CDK14: variants seen among roughly 807,000 people sequenced by gnomAD.
CDK14 encodes cyclin-dependent kinase 14.
In CDK14, 34 loss-of-function variants were observed where a neutral mutation model predicts 60.7. That is an observed-to-expected ratio of 0.56 (90% confidence interval 0.43 to 0.75). The LOEUF (loss-of-function observed/expected upper bound fraction) is 0.75, where lower values mean the gene tolerates loss of function less well. Ranked by LOEUF, CDK14 falls within the 30% of genes least tolerant of loss-of-function variation. The pLI is 0.00. For synonymous variants in CDK14, 197 were observed against 203.7 expected, an observed-to-expected ratio of 0.97 and a Z score of 0.28; for missense variants, 482 against 564.1, an observed-to-expected ratio of 0.85 and a Z score of 1.47.
At chr7:91,003,859 A>G (rs1486984322) in intron 10 of CDK14, among the ~76,000 whole-genome samples, 1 of 152,224 alleles carries the variant, frequency 6.6e-6, no homozygotes, top group African/African-American at 2.4e-5. Flanking sequence ...GCAGGCAGTA[A>G]GTAAACTCCA....
chr7:90,825,359 T>A (rs1789686495), intron 5 of CDK14, among the ~76,000 whole-genome samples: 1 of 152,190 alleles, frequency 6.6e-6, no homozygotes. Context: ...AAGGGCCCTG[T>A]AGGACCCTCC....
intron 2 of CDK14, among the ~76,000 whole-genome samples, chr7:90,718,659 T>A (rs548689349): frequency 6.6e-6 from 1 of 152,298 alleles, no homozygotes; most frequent in Non-Finnish European, 1.5e-5. Flanking sequence ...CTTGCATATA[T>A]CCTTCTATAT....
At chr7:90,683,762 T>C (rs963811187) in intron 2 of CDK14, among the ~76,000 whole-genome samples, 2 of 152,128 alleles carry the variant, frequency 1.3e-5, no homozygotes, top group Non-Finnish European at 2.9e-5. Context: ...GATTGTGATA[T>C]TGCACTCCAG....
At chr7:90,910,230 T>C (rs1403663800) in intron 7 of CDK14, among the ~76,000 whole-genome samples, 1 of 152,208 alleles carries the variant, frequency 6.6e-6, no homozygotes, top group East Asian at 1.9e-4. Flanking sequence ...ATTGCAATGA[T>C]GCTTTGTAAA....
At chr7:91,119,967 T>C (rs750069800) in intron 14 of CDK14, among the ~76,000 whole-genome samples, 23 of 152,364 alleles carry the variant, frequency 1.5e-4, no homozygotes, top group Admixed American at 3.9e-4. Context: ...TTTGACAAGC[T>C]ACCTCCTGGT....
chr7:90,709,431 C>A, intron 2 of CDK14: 1 of 1,473,918 alleles, frequency 6.8e-7, no homozygotes, highest in East Asian at 2.5e-5. Flanking sequence ...TCCTCCTATG[C>A]AATCACCATT....
chr7:90,736,618 T>C (rs1803125254), intron 3 of CDK14, among the ~76,000 whole-genome samples: 1 of 152,096 alleles, frequency 6.6e-6, no homozygotes, highest in Non-Finnish European at 1.5e-5. Flanking sequence ...AGGGTCACCA[T>C]GATTTATGTC....
In CDK14 at chr7:90,596,696, G is replaced by C. The variant is rs1482303257; in HGVS notation, c.69G>C (p.Leu23Phe). ...AGATGAAGAAGTTGCGGAGAACTTT[G>C]TCGGAGAGTTTCAGTCGCATTGGTG... ...IGKMKKLRRTLSESFSRIALK... is the reference protein window; with the variant it reads ...IGKMKKLRRTFSESFSRIALK... Residue 23 changes from leucine (L) to phenylalanine (F), a missense_variant, in exon 1 of 15, where the codon TTG becomes TTC. Leu to Phe is a conservative substitution (Grantham distance 22). Transcript: ENST00000380050. 1.9e-6 allele frequency: 3 copies of C among 1,611,924 alleles called. No individual in the cohort carries two copies. Among genetic ancestry groups the C allele is most frequent in the Non-Finnish European group, 2.5e-6 (3 of 1,179,322 alleles).
In CDK14 at chr7:90,818,986, A is replaced by T. The variant is rs144482993; in HGVS notation, c.544+28334A>T. Among the ~76,000 whole-genome samples the T allele has an allele frequency of 4.5e-3, 689 of 152,208 alleles. 7 individuals carry two copies. The highest frequency in any genetic ancestry group is 0.013 in the African/African-American group (555 of 41,564). On this transcript the variant is annotated intron_variant, in intron 5 of 14. Transcript: ENST00000380050. ...ACATATTGCTGTATTTGGAGTAAAA[A>T]TATGACTAGAGAAATATATGGGCAT...
intron 2 of CDK14, among the ~76,000 whole-genome samples, chr7:90,642,910 A>G (rs567340937): frequency 6.6e-6 from 1 of 152,224 alleles, no homozygotes; most frequent in African/African-American, 2.4e-5. Context: ...AAATGAACTC[A>G]TACTGAATAC....
At chr7:90,715,513 A>G (rs1251383529) in intron 2 of CDK14, among the ~76,000 whole-genome samples, 4 of 152,008 alleles carry the variant, frequency 2.6e-5, no homozygotes, top group African/African-American at 4.8e-5. Flanking sequence ...TCATACTGCT[A>G]TATGTTGTGG....
At chr7:91,058,489 T>C (rs1017757983) in intron 11 of CDK14, among the ~76,000 whole-genome samples, 1 of 152,198 alleles carries the variant, frequency 6.6e-6, no homozygotes, top group Non-Finnish European at 1.5e-5. Context: ...TGTGCCAGTT[T>C]TCAAAGGGAA....
chr7:90,990,271 C>G (rs988695052), intron 10 of CDK14, among the ~76,000 whole-genome samples: 2 of 151,956 alleles, frequency 1.3e-5, no homozygotes, highest in African/African-American at 4.8e-5. Context: ...GAGTGAGACC[C>G]CGTCTCTAGA....
intron 9 of CDK14, among the ~76,000 whole-genome samples, chr7:90,974,356 G>A (rs1424550673): frequency 2.0e-5 from 3 of 152,044 alleles, no homozygotes; most frequent in African/African-American, 7.2e-5. Flanking sequence ...GGGTCCTGAG[G>A]CGACATACAT....
chr7:91,198,809 C>A (rs1802629963), intron 14 of CDK14, among the ~76,000 whole-genome samples: 1 of 152,086 alleles, frequency 6.6e-6, no homozygotes, highest in Admixed American at 6.5e-5. Flanking sequence ...AAAACTGCTG[C>A]AATACATTGG....
intron 14 of CDK14, among the ~76,000 whole-genome samples, chr7:91,130,030 T>G (rs2116421029): frequency 6.6e-6 from 1 of 152,308 alleles, no homozygotes; most frequent in African/African-American, 2.4e-5. Context: ...CAATTAACCC[T>G]TAAGAAACTA....
At chr7:90,858,715 AATGATCTCTGAGG>A (rs1029198177) in intron 5 of CDK14, among the ~76,000 whole-genome samples, 17 of 152,152 alleles carry the variant, frequency 1.1e-4, no homozygotes, top group African/African-American at 1.7e-4. Flanking sequence ...GGTTTGAAAT[AATGATCTCTGAGG>A]ATGTGTGCAC....
At chr7:91,062,459 G>C (rs1797833294) in intron 11 of CDK14, among the ~76,000 whole-genome samples, 1 of 152,044 alleles carries the variant, frequency 6.6e-6, no homozygotes, top group South Asian at 2.1e-4. Context: ...ACCTCAGTTG[G>C]AAATGCAGAA....
intron 4 of CDK14, among the ~76,000 whole-genome samples, chr7:90,775,630 TCCCCC>T (rs1804999358): frequency 2.8e-5 from 1 of 35,614 alleles, no homozygotes; most frequent in African/African-American, 1.0e-4. Flanking sequence ...CTCCTCCCCC[TCCCCC>T]TTCCCCTCCC....
Sources: allele counts gnomAD v4.1 joint callset (sites outside exome capture counted in the v4.1 genomes callset), GRCh38; gene constraint gnomAD v4.1.1; transcripts MANE v1.5; gene names NCBI Gene and HGNC (gene_info 2026-07-23, HGNC 2026-07-21).